The following SGK3 variants were observed in gnomAD, a reference collection of about 807,000 sequenced individuals.
The protein encoded by SGK3 is serine/threonine-protein kinase Sgk3.
A neutral mutation model predicts 68.5 loss-of-function variants in SGK3; 47 were observed. The ratio of observed to expected loss-of-function variants is 0.69; its 90% CI spans 0.54 to 0.87. SGK3 has a LOEUF of 0.87. Among genes scored for constraint, SGK3 ranks in the 40% least tolerant of loss-of-function variants. SGK3 has a pLI of 0.00. For synonymous variants in SGK3, 181 were observed against 189.1 expected (o/e 0.96, Z 0.35); for missense variants, 479 against 575.5 (o/e 0.83, Z 1.72).
chr8:66,726,259 C>T (rs1363737662), intron 1 of SGK3, among the ~76,000 whole-genome samples: 1 of 152,046 alleles, frequency 6.6e-6, no homozygotes, highest in Non-Finnish European at 1.5e-5. Context: ...ATGGGTAGGT[C>T]GTTTTATTTT....
chr8:66,844,455 G>A (rs901819611), intron 14 of SGK3, among the ~76,000 whole-genome samples: 2 of 152,184 alleles, frequency 1.3e-5, no homozygotes, highest in Admixed American at 6.5e-5. Flanking sequence ...TCTGATTAAT[G>A]AGAATAAAGT....
chr8:66,839,522 T>C (rs1373297823), intron 10 of SGK3, among the ~76,000 whole-genome samples: 1 of 55,858 alleles, frequency 1.8e-5, no homozygotes, highest in South Asian at 6.4e-4. Context: ...TATATATATA[T>C]ATATATATAT....
At chr8:66,746,510 G>T (rs1805659477) in intron 1 of SGK3, among the ~76,000 whole-genome samples, 1 of 151,972 alleles carries the variant, frequency 6.6e-6, no homozygotes. Flanking sequence ...TTTGCTTGAG[G>T]CCAGGAGTTT....
intron 2 of SGK3, among the ~76,000 whole-genome samples, chr8:66,795,831 C>G (rs1245990199): frequency 6.6e-6 from 1 of 152,078 alleles, no homozygotes; most frequent in African/African-American, 2.4e-5. Flanking sequence ...CACCCTACCC[C>G]TCTCACTCTC....
chr8:66,802,076 T>C (rs1807966498), intron 3 of SGK3, among the ~76,000 whole-genome samples: 1 of 152,198 alleles, frequency 6.6e-6, no homozygotes, highest in Admixed American at 6.5e-5. Flanking sequence ...CCTAATTTCT[T>C]TTGTATTTCT....
intron 4 of SGK3, among the ~76,000 whole-genome samples, chr8:66,806,685 T>C (rs1264032999): frequency 1.3e-5 from 2 of 151,866 alleles, no homozygotes; most frequent in Admixed American, 6.6e-5. Flanking sequence ...TAATGGTGCA[T>C]GCCTGTAGTC....
intron 1 of SGK3, among the ~76,000 whole-genome samples, chr8:66,757,280 T>C (rs1327723202): frequency 6.6e-6 from 1 of 151,922 alleles, no homozygotes; most frequent in Non-Finnish European, 1.5e-5. Flanking sequence ...TACAGGCATG[T>C]ACCACCACAC....
At chr8:66,849,430 CT>C in intron 15 of SGK3, among the ~76,000 whole-genome samples, 1 of 152,058 alleles carries the variant, frequency 6.6e-6, no homozygotes, top group Non-Finnish European at 1.5e-5. Flanking sequence ...TTTTTGCTGC[CT>C]GAATCTTTCC....
At chr8:66,856,210 A>G (rs1006403954) in intron 16 of SGK3, among the ~76,000 whole-genome samples, 1 of 151,988 alleles carries the variant, frequency 6.6e-6, no homozygotes, top group Non-Finnish European at 1.5e-5. Flanking sequence ...TGAGACTACA[A>G]TAGCTGGCCA....
chr8:66,819,143 G>A (rs1657994437), intron 5 of SGK3, among the ~76,000 whole-genome samples: 1 of 152,088 alleles, frequency 6.6e-6, no homozygotes, highest in Non-Finnish European at 1.5e-5. Flanking sequence ...ACTTATTACT[G>A]TAAGCAATAC....
chr8:66,859,657 T>C lies in SGK3; in HGVS notation c.*76T>C. On this transcript the variant is annotated 3_prime_UTR_variant, in exon 17 of 17. Transcript: ENST00000521198. ...TGAAACTTCTATTTGTGTGAATATA[T>C]TCAAATATGTATAACTAGTGCCTCA... 4.2e-6 allele frequency: 6 copies of C among 1,422,476 alleles called. No homozygotes were observed. The highest frequency in any genetic ancestry group is 2.1e-5 in the Admixed American group (1 of 47,054). The allele number at this position is 1,422,476 out of a possible 1,614,324, so 88.1% of individuals were successfully genotyped here.
At chr8:66,781,867 G>A (rs1203752288) in intron 1 of SGK3, among the ~76,000 whole-genome samples, 3 of 152,194 alleles carry the variant, frequency 2.0e-5, no homozygotes, top group Non-Finnish European at 2.9e-5. Context: ...TGGGGGTGGA[G>A]TGGGAATTAG....
At chr8:66,744,483 G>GTATATATATATATA (rs869176585) in intron 1 of SGK3, among the ~76,000 whole-genome samples, 1 of 40,756 alleles carries the variant, frequency 2.5e-5, no homozygotes, top group Non-Finnish European at 4.9e-5. Context: ...GTGTGTGTGT[G>GTATATATATATATA]TATATATATA....
chr8:66,792,329 CAAAAAAA>C (rs1215954300), intron 1 of SGK3, among the ~76,000 whole-genome samples: 5 of 53,574 alleles, frequency 9.3e-5, no homozygotes, highest in East Asian at 6.2e-4. Context: ...AACTCCATCT[CAAAAAAA>C]AAAAAAAAAA....
chr8:66,757,337 C>T (rs1213450585), intron 1 of SGK3, among the ~76,000 whole-genome samples: 5 of 151,850 alleles, frequency 3.3e-5, no homozygotes, highest in African/African-American at 9.7e-5. Flanking sequence ...AAAGTTCTCA[C>T]CATGTTACCC....
chr8:66,788,486 C>G (rs1049274441), intron 1 of SGK3, among the ~76,000 whole-genome samples: 2 of 152,170 alleles, frequency 1.3e-5, no homozygotes, highest in African/African-American at 4.8e-5. Context: ...TTAATTCATT[C>G]CTGTTTGCCA....
chr8:66,762,495 G>A (rs961896454), intron 1 of SGK3, among the ~76,000 whole-genome samples: 19 of 152,006 alleles, frequency 1.2e-4, no homozygotes, highest in African/African-American at 3.1e-4. Context: ...CCAGCCTGGC[G>A]ATGGAGTGAG....
intron 14 of SGK3, among the ~76,000 whole-genome samples, chr8:66,843,951 A>ACC (rs1157309400): frequency 3.0e-5 from 4 of 133,788 alleles, no homozygotes; most frequent in African/African-American, 1.1e-4. Flanking sequence ...CCAAGATTGC[A>ACC]CCACTGTACT....
intron 1 of SGK3, among the ~76,000 whole-genome samples, chr8:66,717,132 G>T (rs1275393977): frequency 6.6e-6 from 1 of 150,878 alleles, no homozygotes; most frequent in Non-Finnish European, 1.5e-5. Context: ...TTGAACTCAG[G>T]AGGTAGAGGT....
Sources: allele counts gnomAD v4.1 joint callset (sites outside exome capture counted in the v4.1 genomes callset), GRCh38; gene constraint gnomAD v4.1.1; transcripts MANE v1.5; gene names NCBI Gene and HGNC (gene_info 2026-07-23, HGNC 2026-07-21).